RRP1: variants seen among roughly 807,000 people sequenced by gnomAD.
The protein encoded by RRP1 is ribosomal RNA processing 1.
In RRP1, 37 loss-of-function variants were observed where a neutral mutation model predicts 54.6. That is an observed-to-expected ratio of 0.68 (90% CI 0.52 to 0.89). The LOEUF (loss-of-function observed/expected upper bound fraction) is 0.89. Ranked by LOEUF, RRP1 falls within the 40% of genes least tolerant of loss-of-function variation. The probability of loss-of-function intolerance (pLI) is 0.00; values close to 1 mark genes in which losing one functional copy is unlikely to be tolerated. For synonymous variants in RRP1, 262 were observed against 244.3 expected (o/e 1.07, Z -0.67); for missense variants, 639 against 612.5 (o/e 1.04, Z -0.46).
chr21:43,802,716 C>T (rs1298992670), intron 12 of RRP1, among the ~76,000 whole-genome samples: 1 of 152,256 alleles, frequency 6.6e-6, no homozygotes, highest in Non-Finnish European at 1.5e-5. Context: ...TCCTCTCCCG[C>T]ACCCTCCAGA....
chr21:43,804,029 C>G lies in RRP1; in HGVS notation c.*255C>G, dbSNP rs2085120009. 1 of 479,126 alleles carries G rather than the reference C, an allele frequency of 2.1e-6. No individual in the cohort carries two copies. Among genetic ancestry groups the G allele is most frequent in the Non-Finnish European group, 3.6e-6 (1 of 274,554 alleles). The allele number at this position is 479,126 out of a possible 1,614,324, so 29.7% of individuals were successfully genotyped here. A position where few individuals can be genotyped will look rare whatever the true frequency, so the allele number is the denominator to read the frequency against. Reference sequence around the variant, plus strand: ...AGGTCAAACTCCGAAGACTGAAACTCTGCCTGCAGCAGGACTGGCCGCCCC... The same window carrying G: ...AGGTCAAACTCCGAAGACTGAAACTGTGCCTGCAGCAGGACTGGCCGCCCC... On this transcript the variant is annotated 3_prime_UTR_variant, in exon 13 of 13. Transcript: ENST00000497547. The surrounding 1 kb of genome is among the most constrained non-coding windows in gnomAD (Gnocchi z 4.3).
chr21:43,793,688 G>A (rs2084984019), intron 4 of RRP1, among the ~76,000 whole-genome samples: 1 of 152,226 alleles, frequency 6.6e-6, no homozygotes, highest in Non-Finnish European at 1.5e-5. Flanking sequence ...GGTGAGAGTC[G>A]ATGGTGACAC....
At position 43,800,596 on chromosome 21, in the gene RRP1, T is replaced by C; in HGVS notation, c.971T>C (p.Leu324Pro). The C allele has an allele frequency of 6.2e-7, 1 of 1,614,232 alleles. No individual in the cohort carries two copies. The highest frequency in any genetic ancestry group is 8.5e-7 in the Non-Finnish European group (1 of 1,180,024). The change falls in exon 10 of 13, where the codon CTC becomes CCC. Residue 324 changes from leucine to proline, a missense_variant. Physicochemically the swap from Leu to Pro is moderately conservative, Grantham distance 98. Coordinates refer to ENST00000497547, the MANE Select transcript of RRP1 (RefSeq NM_003683.6). ...QSTPSQNRKR[L>P]YKVIRKLQDL... The stretch of plus-strand genomic sequence containing the variant: ...ACCCCTTCTCAGAACAGAAAGCGTC[T>C]CTACAAAGTGATCCGGAAGTGAGTG...
intron 4 of RRP1, among the ~76,000 whole-genome samples, 178 bp downstream of exon 4, chr21:43,793,582 C>G (rs1317055570): frequency 1.3e-5 from 2 of 152,208 alleles, no homozygotes; most frequent in Non-Finnish European, 2.9e-5. Context: ...GCAGCTTTGT[C>G]CAGTCTCTGA....
chr21:43,794,413 A>C (rs1373146809), intron 4 of RRP1, among the ~76,000 whole-genome samples: 2 of 152,120 alleles, frequency 1.3e-5, no homozygotes, highest in African/African-American at 4.8e-5. Flanking sequence ...TGTGTGGCTG[A>C]GTCCAGCAGC....
intron 4 of RRP1, 23 bp downstream of exon 4, chr21:43,793,427 G>A (rs755900944): frequency 1.3e-5 from 21 of 1,599,318 alleles, no homozygotes; most frequent in Non-Finnish European, 1.5e-5. Flanking sequence ...CCAGGGTGCC[G>A]GCGGGCGGGG....
At chr21:43,790,933 A>C (rs1459043546) in intron 1 of RRP1, 2 of 449,322 alleles carry the variant, frequency 4.5e-6, no homozygotes, top group African/African-American at 4.0e-5. Flanking sequence ...GCCTGAGTTC[A>C]CTTTCTTCTT....
chr21:43,792,728 G>A lies in RRP1; in HGVS notation c.273G>A (p.Ala91=), dbSNP rs756564213. The change falls in exon 3 of 13, where the codon GCG becomes GCA. Residue 91 remains alanine, a splice_region_variant and synonymous_variant. Transcript: ENST00000497547. The part of the protein sequence containing the change: ...QLVHAFQTTE[A]QHLFLQAFWQ... The stretch of plus-strand genomic sequence containing the variant: ...TTCATGCTTTTCAGACCACGGAGGC[G>A]CGTGAGTATGCTCTGCTGTAGTTGG... 13 of 1,613,940 alleles carry A rather than the reference G, an allele frequency of 8.1e-6. No individual in the cohort carries two copies. Among genetic ancestry groups the A allele is most frequent in the South Asian group, 5.5e-5 (5 of 91,082 alleles).
intron 4 of RRP1, 68 bp from the exon 5 acceptor site, chr21:43,795,121 A>G (rs2123411667): frequency 7.0e-7 from 1 of 1,426,940 alleles, no homozygotes; most frequent in Non-Finnish European, 9.9e-7. Flanking sequence ...ATGGTGGTAC[A>G]TGGGGATGGG....
chr21:43,800,544 C>A lies in RRP1; in HGVS notation c.919C>A (p.Leu307Met), dbSNP rs1555890841. 6.2e-7 allele frequency: 1 copy of A among 1,614,270 alleles called. No homozygotes were observed. Among genetic ancestry groups the A allele is most frequent in the South Asian group, 1.1e-5 (1 of 91,086 alleles). Residue 307 changes from leucine (L) to methionine (M), a missense_variant, in exon 10 of 13, where the codon CTG becomes ATG. Physicochemically the swap from Leu to Met is conservative, Grantham distance 15. Coordinates refer to ENST00000497547, the MANE Select transcript of RRP1 (RefSeq NM_003683.6). ...TGACTACGAGGCAGTTGCTAACAGACTGTTTGAAATGGCCAGCCGCCAGAG... is the reference window on the plus strand; with the variant it reads ...TGACTACGAGGCAGTTGCTAACAGAATGTTTGAAATGGCCAGCCGCCAGAG... ...QFDYEAVANR[L>M]FEMASRQSTP... is the part of the protein sequence containing the mutation.
chr21:43,789,752 G>C lies in RRP1; in HGVS notation c.123G>C (p.Gln41His), dbSNP rs2084937337. The C allele has an allele frequency of 6.6e-7, 1 of 1,520,408 alleles. No individual in the cohort carries two copies. The highest frequency in any genetic ancestry group is 2.1e-5 in the Admixed American group (1 of 48,504). The allele number at this position is 1,520,408 out of a possible 1,614,324, so 94.2% of individuals were successfully genotyped here. Residue 41 changes from glutamine to histidine, a missense_variant, in exon 1 of 13, where the codon CAG (glutamine) becomes CAC (histidine). Gln to His is a conservative substitution (Grantham distance 24). Coordinates refer to ENST00000497547, the MANE Select transcript of RRP1 (RefSeq NM_003683.6). ...KLRKYIVART[Q>H]RAAGGFTHDE... The stretch of plus-strand genomic sequence containing the variant: ...GGAAATACATCGTCGCCAGGACTCA[G>C]CGGGCCGCAGGTTGGCGGGGGTGTG...
chr21:43,799,121 C>T (rs1293558072), intron 8 of RRP1, among the ~76,000 whole-genome samples: 2 of 152,092 alleles, frequency 1.3e-5, no homozygotes, highest in Non-Finnish European at 2.9e-5. Context: ...GCCATCAAAG[C>T]CCCAAATGCC....
At chr21:43,791,230 AG>A (rs1601865194) in intron 1 of RRP1, 119 bp from the exon 2 acceptor site, 2 of 989,584 alleles carry the variant, frequency 2.0e-6, no homozygotes, top group Non-Finnish European at 3.2e-6. Context: ...TCTGCCCCCC[AG>A]TTGCCTTTAC....
At chr21:43,798,162 C>G in intron 8 of RRP1, 62 bp downstream of exon 8, 4 of 1,449,112 alleles carry the variant, frequency 2.8e-6, no homozygotes, top group South Asian at 2.7e-5. Context: ...CCAGTGCGAT[C>G]TCCTGCTGGG....
intron 5 of RRP1, among the ~76,000 whole-genome samples, chr21:43,795,483 T>G (rs2085009662): frequency 6.6e-6 from 1 of 151,450 alleles, no homozygotes; most frequent in African/African-American, 2.4e-5. Flanking sequence ...CAGAAGGGAG[T>G]TTTTTAATGA....
At position 43,800,544 on chromosome 21, in the gene RRP1, CTGTT is replaced by C. The variant is rs1235646799; in HGVS notation, c.922_925del (p.Phe308LysfsTer19). The C allele has an allele frequency of 6.2e-7, 1 of 1,614,152 alleles. No individual in the cohort carries two copies. The highest frequency in any genetic ancestry group is 8.5e-7 in the Non-Finnish European group (1 of 1,180,044). Reference sequence around the variant, plus strand: ...TGACTACGAGGCAGTTGCTAACAGACTGTTTGAAATGGCCAGCCGCCAGAGCACC... The same window carrying C: ...TGACTACGAGGCAGTTGCTAACAGACTGAAATGGCCAGCCGCCAGAGCACC... On this transcript the variant is annotated frameshift_variant, in exon 10 of 13. Transcript: ENST00000497547. LOFTEE classifies it high-confidence loss of function.
chr21:43,799,927 C>T (rs1034902201), intron 9 of RRP1, among the ~76,000 whole-genome samples: 5 of 152,148 alleles, frequency 3.3e-5, no homozygotes, highest in East Asian at 1.9e-4. Context: ...GCTGGCCTCA[C>T]CTCACGCTGT....
chr21:43,791,433 G>C lies in RRP1; in HGVS notation c.216+1G>C. 1 of 1,613,636 alleles carries C rather than the reference G, an allele frequency of 6.2e-7. No individual in the cohort carries two copies. The highest frequency in any genetic ancestry group is 8.5e-7 in the Non-Finnish European group (1 of 1,179,582). On this transcript the variant is annotated splice_donor_variant, in intron 2 of 12. Coordinates refer to ENST00000497547, the MANE Select transcript of RRP1 (RefSeq NM_003683.6). LOFTEE classifies it high-confidence loss of function. ...GATGCAGGACAAGCCACTCCTCCAG[G>C]TGAGTGGGGGGAGCAGCAGAGCAGG...
At position 43,803,052 on chromosome 21, in the gene RRP1, C is replaced by G. The variant is rs180791972; in HGVS notation, c.1124-460C>G. 2.9e-3 allele frequency among the ~76,000 whole-genome samples: 445 copies of G among 152,348 alleles called. 3 individuals carry two copies. Among genetic ancestry groups the G allele is most frequent in the African/African-American group, 9.9e-3 (413 of 41,574 alleles). On this transcript the variant is annotated intron_variant, in intron 12 of 12. Transcript: ENST00000497547. ...GTTACTCTCTCCATGCTAAACTGGC[C>G]CCAGGGCCTAGGGATTCACCCCTTC...
Sources: gnomAD v4.1 joint callset for allele counts (sites outside exome capture counted in the v4.1 genomes callset) on GRCh38, gnomAD v4.1.1 for gene constraint, Gnocchi (gnomAD v3.1) non-coding constraint, MANE v1.5 for transcripts, NCBI Gene and HGNC (gene_info 2026-07-23, HGNC 2026-07-21) for gene names.